COMMD1: variants seen among roughly 807,000 people sequenced by gnomAD.
COMMD1 encodes copper metabolism domain containing 1.
COMMD1 carries 10 observed loss-of-function variants against 17.2 expected under a neutral mutation model. That is an observed-to-expected ratio of 0.58 (90% CI 0.36 to 0.99). COMMD1 has a LOEUF of 0.99. Among genes scored for constraint, COMMD1 ranks in the 50% least tolerant of loss-of-function variants. The pLI, the probability that COMMD1 is intolerant of heterozygous loss-of-function variation, is 0.01. For missense variants in COMMD1, 270 were observed against 231.8 expected (o/e 1.17, Z -1.07); for synonymous variants, 97 against 91.6 (o/e 1.06, Z -0.34).
Position 61,980,525 on chromosome 2 carries a change from T to G in COMMD1, c.181-20176T>G, listed in dbSNP as rs1239678414. Among the ~76,000 whole-genome samples, 5 of 130,098 alleles carry G rather than the reference T, an allele frequency of 3.8e-5. No homozygotes were observed. In the South Asian group the frequency reaches 1.1e-3, roughly 28 times the overall value. The allele number at this position is 130,098 out of a possible 152,430, so 85.3% of individuals were successfully genotyped here. ...TGATGATGAGCATTTCTTCATGTGT[T>G]TTTTAGCTGCATAAATGTCTTCTTT... On this transcript the variant is annotated intron_variant, in intron 1 of 2. Coordinates refer to ENST00000311832, the MANE Select transcript of COMMD1 (RefSeq NM_152516.4).
At chr2:62,032,581 A>G (rs538029796) in intron 2 of COMMD1, among the ~76,000 whole-genome samples, 2 of 152,280 alleles carry the variant, frequency 1.3e-5, no homozygotes, top group African/African-American at 4.8e-5. Flanking sequence ...CCATTGACTC[A>G]TGGAAATAAA....
At chr2:61,891,976 C>T (rs1006724735) in intron 1 of COMMD1, among the ~76,000 whole-genome samples, 2 of 151,206 alleles carry the variant, frequency 1.3e-5, no homozygotes, top group Admixed American at 6.6e-5. Context: ...GGACTACAGG[C>T]GCCCACCACC....
intron 1 of COMMD1, among the ~76,000 whole-genome samples, chr2:61,890,142 C>T (rs767312812): frequency 3.3e-5 from 5 of 152,132 alleles, no homozygotes; most frequent in Admixed American, 6.6e-5. Context: ...GTGACAGTTG[C>T]GTGTGGTAGG....
intron 1 of COMMD1, among the ~76,000 whole-genome samples, chr2:61,950,621 A>G (rs1177122967): frequency 1.3e-5 from 2 of 152,232 alleles, no homozygotes; most frequent in Admixed American, 6.5e-5. Context: ...TCTCTTTGGC[A>G]TATCCAAGTT....
At chr2:62,080,416 G>T (rs1671484019) in intron 2 of COMMD1, among the ~76,000 whole-genome samples, 1 of 152,192 alleles carries the variant, frequency 6.6e-6, no homozygotes, top group African/African-American at 2.4e-5. Flanking sequence ...AACATTATCT[G>T]TTCTGTATAC....
rs552768884 is a variant in COMMD1, at chr2:62,098,425, A to G, written c.463-37406A>G. Among the ~76,000 whole-genome samples the G allele has an allele frequency of 1.4e-4, 21 of 151,868 alleles. No individual in the cohort carries two copies. The South Asian group carries it at 4.0e-3, about 29-fold the overall frequency. ...CGTGCCTGGCCTCCTTTTCTTTCTT[A>G]ATGATTGTGACAGCTAGGTCAGCTA... On this transcript the variant is annotated intron_variant, in intron 2 of 2. Transcript: ENST00000311832.
At chr2:62,125,334 G>C (rs545478453) in intron 2 of COMMD1, among the ~76,000 whole-genome samples, 25 of 152,284 alleles carry the variant, frequency 1.6e-4, no homozygotes, top group South Asian at 2.1e-4. Context: ...CACGATATGG[G>C]TATCTATTGA....
At chr2:61,977,542 C>A (rs561749915) in intron 1 of COMMD1, among the ~76,000 whole-genome samples, 1 of 151,948 alleles carries the variant, frequency 6.6e-6, no homozygotes, top group Admixed American at 6.5e-5. Flanking sequence ...CCGCGCCTGG[C>A]CAGTCTGCTA....
chr2:62,059,378 A>G (rs1371883327), intron 2 of COMMD1, among the ~76,000 whole-genome samples: 1 of 151,856 alleles, frequency 6.6e-6, no homozygotes, highest in African/African-American at 2.4e-5. Context: ...CTGGTCTCCA[A>G]CTTCTGGACT....
Position 62,115,203 on chromosome 2 carries a change from G to GGT in COMMD1, c.463-20626_463-20625dup, listed in dbSNP as rs1672557832. 1.1e-4 allele frequency among the ~76,000 whole-genome samples: 16 copies of GGT among 152,332 alleles called. No individual in the cohort carries two copies. In the South Asian group the frequency reaches 3.3e-3, roughly 32 times the overall value. On this transcript the variant is annotated intron_variant, in intron 2 of 2. Coordinates refer to ENST00000311832, the MANE Select transcript of COMMD1 (RefSeq NM_152516.4). ...CTAGCCAACCACACAGCTAGAAGGT[G>GGT]GTGGAGTCTTTATTTAGATTTCTGT... is the stretch of plus-strand genomic sequence containing the variant.
At chr2:61,974,450 G>A (rs1448781446) in intron 1 of COMMD1, among the ~76,000 whole-genome samples, 1 of 151,664 alleles carries the variant, frequency 6.6e-6, no homozygotes, top group East Asian at 1.9e-4. Flanking sequence ...GAGGCAGGTG[G>A]ATCACTAGGT....
intron 2 of COMMD1, among the ~76,000 whole-genome samples, chr2:62,054,101 A>G (rs1481651972): frequency 1.3e-5 from 2 of 152,234 alleles, no homozygotes; most frequent in African/African-American, 2.4e-5. Context: ...TATGAAAAAA[A>G]TGCTGAACAT....
At chr2:61,981,920 T>C (rs568261594) in intron 1 of COMMD1, among the ~76,000 whole-genome samples, 1 of 152,336 alleles carries the variant, frequency 6.6e-6, no homozygotes, top group African/African-American at 2.4e-5. Flanking sequence ...TCAGGTAATG[T>C]GATTCCACCA....
chr2:62,038,099 G>T (rs1165956258), intron 2 of COMMD1, among the ~76,000 whole-genome samples: 1 of 152,106 alleles, frequency 6.6e-6, no homozygotes, highest in Admixed American at 6.5e-5. Context: ...GACCAGCCTG[G>T]CCAACATGGT....
At chr2:61,994,079 C>T (rs548897862) in intron 1 of COMMD1, among the ~76,000 whole-genome samples, 83 of 152,198 alleles carry the variant, frequency 5.5e-4, no homozygotes, top group Non-Finnish European at 9.0e-4. Flanking sequence ...CTTCGCCTCC[C>T]GGGTTCAAGC....
Position 62,132,077 on chromosome 2 carries a change from T to C in COMMD1, c.463-3754T>C, listed in dbSNP as rs186145328. Reference sequence around the variant, plus strand: ...CTAATTTTTGTATTTTTAATAAAGATGGGGTTTCACCATGTTGGTCAGGCT... The same window carrying C: ...CTAATTTTTGTATTTTTAATAAAGACGGGGTTTCACCATGTTGGTCAGGCT... On this transcript the variant is annotated intron_variant, in intron 2 of 2. Coordinates refer to ENST00000311832, the MANE Select transcript of COMMD1 (RefSeq NM_152516.4). Among the ~76,000 whole-genome samples, 396 of 151,640 alleles carry C rather than the reference T, an allele frequency of 2.6e-3. 6 individuals are homozygous for C. Among genetic ancestry groups the C allele is most frequent in the African/African-American group, 8.9e-3 (369 of 41,298 alleles).
At chr2:62,006,784 T>C (rs1669133954) in intron 2 of COMMD1, among the ~76,000 whole-genome samples, 1 of 152,226 alleles carries the variant, frequency 6.6e-6, no homozygotes, top group African/African-American at 2.4e-5. Context: ...ACACCTTTGT[T>C]GTGTTTTCCT....
At chr2:62,053,805 A>G (rs1670611710) in intron 2 of COMMD1, among the ~76,000 whole-genome samples, 1 of 152,192 alleles carries the variant, frequency 6.6e-6, no homozygotes, top group Non-Finnish European at 1.5e-5. Context: ...TGAATGTTTC[A>G]TTTTGTTTTT....
chr2:61,904,304 C>G (rs531546481), upstream of COMMD1, among the ~76,000 whole-genome samples: 1 of 152,348 alleles, frequency 6.6e-6, no homozygotes, highest in Non-Finnish European at 1.5e-5. Flanking sequence ...AGCCACCGTG[C>G]CCGGCAACAC....
Sources: gnomAD v4.1 joint callset for allele counts (sites outside exome capture counted in the v4.1 genomes callset) on GRCh38, gnomAD v4.1.1 for gene constraint, MANE v1.5 for transcripts, NCBI Gene and HGNC (gene_info 2026-07-23, HGNC 2026-07-21) for gene names.